The following VPS35L variants were observed in gnomAD, a reference collection of about 807,000 sequenced individuals.
VPS35L encodes the protein VPS35 endosomal protein sorting factor like, also known as VPS35 endosomal protein-sorting factor-like.
Under a neutral mutation model 133.0 loss-of-function variants are expected in VPS35L, and 83 were observed. The ratio of observed to expected loss-of-function variants is 0.62; its 90% CI spans 0.52 to 0.75. The LOEUF (loss-of-function observed/expected upper bound fraction) is 0.75, where lower values mean the gene tolerates loss of function less well. VPS35L is among the 30% of genes least tolerant of loss of function. The pLI is 0.00. For missense variants in VPS35L, 1,083 were observed against 1,206.8 expected (o/e 0.90, Z 1.52); for synonymous variants, 423 against 449.9 (o/e 0.94, Z 0.76).
chr16:19,556,430 G>A (rs921709689), intron 1 of VPS35L, among the ~76,000 whole-genome samples: 1 of 152,182 alleles, frequency 6.6e-6, no homozygotes, highest in Non-Finnish European at 1.5e-5. Flanking sequence ...GCGTGTGCCT[G>A]GTTGGCAGGC....
At chr16:19,602,627 G>T (rs1972420686) in intron 9 of VPS35L, among the ~76,000 whole-genome samples, 1 of 151,030 alleles carries the variant, frequency 6.6e-6, no homozygotes, top group Non-Finnish European at 1.5e-5. Flanking sequence ...TTTTGAGATG[G>T]ACTCTTGCTC....
intron 9 of VPS35L, among the ~76,000 whole-genome samples, chr16:19,603,507 T>A (rs1972450899): frequency 6.6e-6 from 1 of 152,152 alleles, no homozygotes; most frequent in South Asian, 2.1e-4. Flanking sequence ...TAAAATTAAT[T>A]TCCCCAGTTT....
At chr16:19,596,010 G>T (rs1972203527) in intron 8 of VPS35L, among the ~76,000 whole-genome samples, 1 of 152,122 alleles carries the variant, frequency 6.6e-6, no homozygotes, top group Admixed American at 6.5e-5. Flanking sequence ...CGGGCATGGT[G>T]GTGGGCACCT....
intron 29 of VPS35L, among the ~76,000 whole-genome samples, chr16:19,694,836 C>T (rs750661897): frequency 9.9e-5 from 15 of 151,792 alleles, no homozygotes; most frequent in Non-Finnish European, 1.6e-4. Context: ...TGAAACCCCA[C>T]CTCTACTAAA....
rs1597397463 is a variant in VPS35L, at chr16:19,653,383, C to T, written c.2221+1293C>T. ...TGGAGTGTTTGTTATGTGGCAAGCC[C>T]TTTGCACAAGTTATCTCATTTCATC... On this transcript the variant is annotated intron_variant, in intron 26 of 30. Coordinates refer to ENST00000417362, the MANE Select transcript of VPS35L (RefSeq NM_020314.7). Among the ~76,000 whole-genome samples the T allele has an allele frequency of 4.6e-5, 7 of 152,334 alleles. 1 individual carries two copies. In the South Asian group the frequency reaches 1.2e-3, roughly 27 times the overall value.
chr16:19,691,994 C>T (rs1426780436), intron 29 of VPS35L, among the ~76,000 whole-genome samples: 1 of 152,072 alleles, frequency 6.6e-6, no homozygotes, highest in East Asian at 1.9e-4. Flanking sequence ...CCTGCCTCAG[C>T]CTCCCAAGTA....
intron 7 of VPS35L, among the ~76,000 whole-genome samples, chr16:19,584,675 A>AT (rs931379513): frequency 2.7e-5 from 4 of 150,000 alleles, no homozygotes; most frequent in African/African-American, 7.4e-5. Context: ...TCTTATCAGC[A>AT]TTTTTTTTCT....
At chr16:19,564,316 A>G (rs1971117636) in intron 1 of VPS35L, among the ~76,000 whole-genome samples, 1 of 149,982 alleles carries the variant, frequency 6.7e-6, no homozygotes, top group South Asian at 2.1e-4. Context: ...TGACCTCGTG[A>G]TCCGCCTGCC....
intron 5 of VPS35L, 74 bp downstream of exon 5, chr16:19,575,196 A>T (rs1245218980): frequency 7.2e-7 from 1 of 1,395,768 alleles, no homozygotes; most frequent in Non-Finnish European, 1.0e-6. Context: ...AAAGGAAAAA[A>T]GTTTTATGTG....
At position 19,699,590 on chromosome 16, in the gene VPS35L, T is replaced by A. The variant is rs1352693861; in HGVS notation, c.2735T>A (p.Leu912His). The change falls in exon 30 of 31, where the codon CTC becomes CAC. Residue 912 changes from leucine to histidine, a missense_variant. Physicochemically the swap from Leu to His is moderately conservative, Grantham distance 99. Transcript: ENST00000417362. The surrounding 1 kb of genome is among the most constrained non-coding windows in gnomAD (Gnocchi z 4.2). ...GDLRNNKLNQ[L>H]SVNLWHLAQR... Reference sequence around the variant, plus strand: ...CTACGCAACAACAAGCTCAACCAGCTCTCCGTCAACCTGTGGCACCTGGCA... The same window carrying A: ...CTACGCAACAACAAGCTCAACCAGCACTCCGTCAACCTGTGGCACCTGGCA... 2 of 1,614,036 alleles carry A rather than the reference T, an allele frequency of 1.2e-6. No individual in the cohort carries two copies. Among genetic ancestry groups the A allele is most frequent in the East Asian group, 2.2e-5 (1 of 44,866 alleles).
intron 6 of VPS35L, 111 bp from the exon 7 acceptor site, chr16:19,581,414 A>G: frequency 8.1e-7 from 1 of 1,237,108 alleles, no homozygotes; most frequent in Admixed American, 2.9e-5. Context: ...TGGCGGGGAT[A>G]TGAGGAAAAT....
chr16:19,657,649 A>C (rs1974349086), intron 26 of VPS35L, among the ~76,000 whole-genome samples: 1 of 152,170 alleles, frequency 6.6e-6, no homozygotes, highest in South Asian at 2.1e-4. Flanking sequence ...TCAGATGAGG[A>C]ATGTTCAACC....
In VPS35L at chr16:19,692,782, C is replaced by T. The variant is rs192272907; in HGVS notation, c.2646+1311C>T. On this transcript the variant is annotated intron_variant, in intron 29 of 30. Transcript: ENST00000417362. ...TTCACCATATTAGCCAGGCTGGTCTCGAATTCCTGAGCTCAAGTGATCCTC... is the reference window on the plus strand; with the variant it reads ...TTCACCATATTAGCCAGGCTGGTCTTGAATTCCTGAGCTCAAGTGATCCTC... Among the ~76,000 whole-genome samples the T allele has an allele frequency of 2.0e-3, 310 of 152,212 alleles. 3 individuals are homozygous for T. Among genetic ancestry groups the T allele is most frequent in the African/African-American group, 6.6e-3 (272 of 41,516 alleles).
intron 7 of VPS35L, among the ~76,000 whole-genome samples, chr16:19,585,951 G>A (rs1303789218): frequency 1.3e-5 from 2 of 151,996 alleles, no homozygotes; most frequent in African/African-American, 4.8e-5. Flanking sequence ...CAGATGGAGT[G>A]CAGTGGTGCC....
chr16:19,573,578 G>C (rs2151510455), intron 4 of VPS35L, among the ~76,000 whole-genome samples: 1 of 152,260 alleles, frequency 6.6e-6, no homozygotes, highest in Non-Finnish European at 1.5e-5. Flanking sequence ...CAGCACTTTG[G>C]GAGGCCAAGG....
chr16:19,571,290 C>T (rs554817723), intron 3 of VPS35L, among the ~76,000 whole-genome samples: 7 of 152,124 alleles, frequency 4.6e-5, no homozygotes, highest in South Asian at 2.1e-4. Context: ...GATCATAGCT[C>T]GCTGCAGCCT....
chr16:19,610,105 C>T (rs541612234), intron 11 of VPS35L, among the ~76,000 whole-genome samples: 2 of 152,212 alleles, frequency 1.3e-5, no homozygotes, highest in South Asian at 2.1e-4. Context: ...CAAATGATAA[C>T]GATGAAAGAA....
chr16:19,615,307 T>C (rs1187182084), intron 12 of VPS35L, among the ~76,000 whole-genome samples: 1 of 152,168 alleles, frequency 6.6e-6, no homozygotes, highest in Non-Finnish European at 1.5e-5. Flanking sequence ...CCTTTTTTAT[T>C]AAAAATAGCT....
rs915570589 is a variant in VPS35L, at chr16:19,603,376, A to G, written c.784+1653A>G. On this transcript the variant is annotated intron_variant, in intron 9 of 30. Coordinates refer to ENST00000417362, the MANE Select transcript of VPS35L (RefSeq NM_020314.7). Reference sequence around the variant, plus strand: ...AATTGAGATGTGACGTAACTATTAAAAAAGACACCGGATTTCAAAGAGTCA... The same window carrying G: ...AATTGAGATGTGACGTAACTATTAAGAAAGACACCGGATTTCAAAGAGTCA... 7.2e-5 allele frequency among the ~76,000 whole-genome samples: 11 copies of G among 152,336 alleles called. No homozygotes were observed. In the South Asian group the frequency reaches 1.7e-3, roughly 23 times the overall value.
Sources: allele counts gnomAD v4.1 joint callset (sites outside exome capture counted in the v4.1 genomes callset), GRCh38; gene constraint gnomAD v4.1.1; non-coding constraint Gnocchi (gnomAD v3.1); transcripts MANE v1.5; gene names NCBI Gene and HGNC (gene_info 2026-07-23, HGNC 2026-07-21).